Variants in PCDHA10 observed in about 807,000 individuals in gnomAD.
PCDHA10 encodes protocadherin alpha 10.
In PCDHA10, 45 loss-of-function variants were observed where a neutral mutation model predicts 61.2. The ratio of observed to expected loss-of-function variants is 0.74; its 90% CI spans 0.58 to 0.94. The LOEUF is 0.94. Ranked by LOEUF, PCDHA10 falls within the 40% of genes least tolerant of loss-of-function variation. The pLI, the probability that PCDHA10 is intolerant of heterozygous loss-of-function variation, is 0.00. For synonymous variants in PCDHA10, 602 were observed against 548.8 expected (o/e 1.10, Z -1.35); for missense variants, 1,278 against 1,236.2 (o/e 1.03, Z -0.51).
chr5:140,951,922 T>C (rs191831107), intron 1 of PCDHA10, among the ~76,000 whole-genome samples: 135 of 152,266 alleles, frequency 8.9e-4, no homozygotes, highest in Non-Finnish European at 1.0e-3. Flanking sequence ...AACAAGTTAG[T>C]TACTCCCAAG....
chr5:140,869,227 G>A, intron 1 of PCDHA10: 2 of 1,613,788 alleles, frequency 1.2e-6, no homozygotes, highest in African/African-American at 1.3e-5. Context: ...GGCCAAACAC[G>A]GCACCTTCGT....
At position 141,010,718 on chromosome 5, in the gene PCDHA10, T is replaced by C. The variant is rs2154002137; in HGVS notation, c.*781T>C. Reference sequence around the variant, plus strand: ...TTTCCTATACATGTCCTGTGCTCACTTTATTAAAAATTCTTTTGCACACAA... The same window carrying C: ...TTTCCTATACATGTCCTGTGCTCACCTTATTAAAAATTCTTTTGCACACAA... On this transcript the variant is annotated 3_prime_UTR_variant, in exon 4 of 4. Coordinates refer to ENST00000307360, the MANE Select transcript of PCDHA10 (RefSeq NM_018901.4). The C allele has an allele frequency of 6.5e-6, 1 of 154,542 alleles. No homozygotes were observed. The highest frequency in any genetic ancestry group is 1.9e-4 in the East Asian group (1 of 5,208). 9.6% of individuals were successfully genotyped at this position (154,542 alleles called of 1,614,324 possible). A position where few individuals can be genotyped will look rare whatever the true frequency, so the allele number is the denominator to read the frequency against.
At chr5:140,924,901 A>AAAAAT (rs10667761) in intron 1 of PCDHA10, among the ~76,000 whole-genome samples, 10,380 of 79,870 alleles carry the variant, frequency 0.13, 426 homozygotes, top group East Asian at 0.37. Context: ...TCTCAAAAAA[A>AAAAAT]AAAATAAAAT....
At chr5:140,900,712 A>G (rs1408382305) in intron 1 of PCDHA10, among the ~76,000 whole-genome samples, 2 of 152,234 alleles carry the variant, frequency 1.3e-5, no homozygotes, top group Non-Finnish European at 2.9e-5. Context: ...TTGGAAAGAA[A>G]GGAAATCCTA....
chr5:140,894,724 C>T (rs1322007306), intron 1 of PCDHA10, among the ~76,000 whole-genome samples: 7 of 151,784 alleles, frequency 4.6e-5, no homozygotes, highest in African/African-American at 9.7e-5. Context: ...TCAAATATTA[C>T]GTAGCAATTT....
chr5:140,960,308 C>A (rs1387326739), intron 1 of PCDHA10, among the ~76,000 whole-genome samples: 1 of 152,122 alleles, frequency 6.6e-6, no homozygotes, highest in African/African-American at 2.4e-5. Flanking sequence ...CAATACCAAC[C>A]TCATTAGGGT....
intron 1 of PCDHA10, chr5:140,929,584 A>T: frequency 2.3e-6 from 1 of 433,584 alleles, no homozygotes; most frequent in Non-Finnish European, 4.1e-6. Context: ...GTAATATGAC[A>T]TAAAGGTCTA....
In PCDHA10 at chr5:140,872,848, A is replaced by G. The variant is rs531539520; in HGVS notation, c.2388+14412A>G. ...AGCAGAGAAAAAATTAAATATATTA[A>G]TGTGAGTACCTACTGACAATTATCA... On this transcript the variant is annotated intron_variant, in intron 1 of 3. Transcript: ENST00000307360. Among the ~76,000 whole-genome samples the G allele has an allele frequency of 3.3e-5, 5 of 152,332 alleles. No individual in the cohort carries two copies. The South Asian group carries it at 1.0e-3, about 32-fold the overall frequency.
intron 1 of PCDHA10, chr5:140,868,387 A>G: frequency 1.3e-5 from 2 of 152,312 alleles, no homozygotes; most frequent in South Asian, 4.1e-4. Context: ...AATGAGAACT[A>G]TAGAAAATAG....
chr5:140,897,720 G>A (rs1457512042), intron 1 of PCDHA10, among the ~76,000 whole-genome samples: 1 of 152,086 alleles, frequency 6.6e-6, no homozygotes, highest in Non-Finnish European at 1.5e-5. Context: ...GGGATGGCTG[G>A]GTCAAATAGT....
chr5:140,967,278 G>A (rs2096121968), intron 1 of PCDHA10: 1 of 1,613,290 alleles, frequency 6.2e-7, no homozygotes. Flanking sequence ...CACATAGAGA[G>A]TGCGCAGGAC....
intron 1 of PCDHA10, among the ~76,000 whole-genome samples, chr5:140,933,323 T>C (rs935740276): frequency 6.6e-6 from 1 of 152,016 alleles, no homozygotes; most frequent in Admixed American, 6.6e-5. Flanking sequence ...CGTATTCTCC[T>C]GTGCTGTAGA....
intron 1 of PCDHA10, among the ~76,000 whole-genome samples, chr5:140,975,053 A>G (rs2096651589): frequency 1.3e-5 from 2 of 152,144 alleles, no homozygotes; most frequent in Admixed American, 6.5e-5. Flanking sequence ...GGAAGAATCT[A>G]CTATCGAGCT....
intron 1 of PCDHA10, among the ~76,000 whole-genome samples, chr5:140,941,241 T>TTCTTTCTTTCTTTCTTTCTC (rs1585048929): frequency 7.1e-6 from 1 of 140,568 alleles, no homozygotes; most frequent in East Asian, 2.0e-4. Context: ...CTTTCTTTCT[T>TTCTTTCTTTCTTTCTTTCTC]TCTTTCTTTC....
intron 1 of PCDHA10, chr5:140,928,181 C>T (rs782130459): frequency 2.5e-6 from 4 of 1,614,186 alleles, no homozygotes; most frequent in Non-Finnish European, 3.4e-6. Flanking sequence ...ACCCGAAGGA[C>T]AATCACTGTG....
chr5:140,877,112 G>T (rs782384853), intron 1 of PCDHA10: 18 of 1,613,552 alleles, frequency 1.1e-5, no homozygotes, highest in African/African-American at 4.0e-5. Context: ...CCTCTGGGCA[G>T]CAACGTGACG....
At position 141,009,794 on chromosome 5, in the gene PCDHA10, A is replaced by G. The variant is rs1314860754; in HGVS notation, c.2704A>G (p.Thr902Ala). 1.2e-6 allele frequency: 2 copies of G among 1,614,042 alleles called. No homozygotes were observed. Among genetic ancestry groups the G allele is most frequent in the South Asian group, 1.1e-5 (1 of 91,076 alleles). Reference protein sequence around the residue: ...PAIISIRQEPTNSQIDKSDFI... With the variant: ...PAIISIRQEPANSQIDKSDFI... ...AATCATCTCCATCCGGCAGGAGCCTACTAACAGCCAAATTGACAAAAGTGA... is the reference window on the plus strand; with the variant it reads ...AATCATCTCCATCCGGCAGGAGCCTGCTAACAGCCAAATTGACAAAAGTGA... The change falls in exon 4 of 4, where the codon ACT (threonine) becomes GCT (alanine). Residue 902 changes from threonine (T) to alanine (A), a missense_variant. Physicochemically the swap from Thr to Ala is moderately conservative, Grantham distance 58. Coordinates refer to ENST00000307360, the MANE Select transcript of PCDHA10 (RefSeq NM_018901.4).
chr5:140,941,211 CTTCCTTTCTTTCTTTCTTT>C (rs1563185577), intron 1 of PCDHA10, among the ~76,000 whole-genome samples: 1,494 of 129,708 alleles, frequency 0.012, 26 homozygotes, highest in African/African-American at 0.041. Flanking sequence ...TCCTTTCTTT[CTTCCTTTCTTTCTTTCTTT>C]CTTTCTTTCT....
In PCDHA10 at chr5:141,005,148, G is replaced by T. The variant is rs528805353; in HGVS notation, c.2537-4479G>T. The stretch of plus-strand genomic sequence containing the variant: ...AAGTGCCTCATTGGAGAGTTGTTTG[G>T]TCTGCTAAAGAGTGGGTACCACTTT... On this transcript the variant is annotated intron_variant, in intron 3 of 3. Transcript: ENST00000307360. 3.3e-5 allele frequency among the ~76,000 whole-genome samples: 5 copies of T among 152,328 alleles called. No individual in the cohort carries two copies. The South Asian group carries it at 1.0e-3, about 32-fold the overall frequency.
Sources: gnomAD v4.1 joint callset for allele counts (sites outside exome capture counted in the v4.1 genomes callset) on GRCh38, gnomAD v4.1.1 for gene constraint, MANE v1.5 for transcripts, NCBI Gene and HGNC (gene_info 2026-07-23, HGNC 2026-07-21) for gene names.